The following SEMA6A variants were observed in gnomAD, a reference collection of about 807,000 sequenced individuals.
SEMA6A encodes semaphorin-6A.
In SEMA6A, 25 loss-of-function variants were observed where a neutral mutation model predicts 96.8. The observed-to-expected ratio is 0.26, with a 90% CI of 0.19 to 0.36. SEMA6A has a LOEUF of 0.36. Ranked by LOEUF, SEMA6A falls within the 10% of genes least tolerant of loss-of-function variation. The pLI is 1.00. For missense variants in SEMA6A, 1,363 were observed against 1,323.1 expected, an observed-to-expected ratio of 1.03 and a Z score of -0.47; for synonymous variants, 612 against 518.0, an observed-to-expected ratio of 1.18 and a Z score of -2.46.
chr5:116,453,127 C>T (rs1389767889), intron 18 of SEMA6A, among the ~76,000 whole-genome samples: 1 of 152,138 alleles, frequency 6.6e-6, no homozygotes, highest in Admixed American at 6.5e-5. Flanking sequence ...AAGGGAAGGC[C>T]GTAGTGAGTA....
intron 18 of SEMA6A, among the ~76,000 whole-genome samples, chr5:116,464,561 A>G (rs1295336971): frequency 6.6e-6 from 1 of 152,118 alleles, no homozygotes; most frequent in Non-Finnish European, 1.5e-5. Context: ...TCAGAATGCT[A>G]CTCACGGTGT....
chr5:116,479,580 G>C (rs764203760), intron 12 of SEMA6A, among the ~76,000 whole-genome samples: 1 of 152,164 alleles, frequency 6.6e-6, no homozygotes, highest in East Asian at 1.9e-4. Flanking sequence ...AATAAGCTCT[G>C]AATAAATACA....
intron 1 of SEMA6A, among the ~76,000 whole-genome samples, chr5:116,511,028 G>T (rs572706844): frequency 6.6e-6 from 1 of 152,082 alleles, no homozygotes; most frequent in Non-Finnish European, 1.5e-5. Flanking sequence ...TGCAATTCAG[G>T]GAGGTTAAGT....
At position 116,478,728 on chromosome 5, in the gene SEMA6A, C is replaced by A; in HGVS notation, c.1251-10G>T. 6.2e-7 allele frequency: 1 copy of A among 1,610,522 alleles called. No homozygotes were observed. The highest frequency in any genetic ancestry group is 8.5e-7 in the Non-Finnish European group (1 of 1,178,482). Reference sequence around the variant, plus strand: ...TTTGGTAAGGCGGTATCTAAAATGACAGGACCACATTTCTTATCTCTTTGT... The same window carrying A: ...TTTGGTAAGGCGGTATCTAAAATGAAAGGACCACATTTCTTATCTCTTTGT... On this transcript the variant is annotated splice_polypyrimidine_tract_variant and intron_variant, in intron 12 of 18. Coordinates refer to ENST00000343348, the MANE Select transcript of SEMA6A (RefSeq NM_020796.5).
At chr5:116,457,406 C>G (rs1755082060) in intron 18 of SEMA6A, among the ~76,000 whole-genome samples, 1 of 152,072 alleles carries the variant, frequency 6.6e-6, no homozygotes, top group South Asian at 2.1e-4. Context: ...TACCGAACTT[C>G]CATTATTTCT....
In SEMA6A at chr5:116,469,799, C is replaced by T. The variant is rs533063150; in HGVS notation, c.1730-2052G>A. Among the ~76,000 whole-genome samples, 8 of 152,266 alleles carry T rather than the reference C, an allele frequency of 5.3e-5. No individual in the cohort carries two copies. In the East Asian group the frequency reaches 1.5e-3, roughly 29 times the overall value. ...TTTCCTGGCCCATATGCTGTGAATA[C>T]ATGGAAAACTCATTGGTAATGGAAA... On this transcript the variant is annotated intron_variant, in intron 17 of 18. Transcript: ENST00000343348.
rs35801222 is a variant in SEMA6A at position 116,466,059 on chromosome 5, TAAAAAAAAAAAAA to T, written c.1894+1511_1894+1523del. 4.3e-5 allele frequency among the ~76,000 whole-genome samples: 4 copies of T among 93,634 alleles called. No homozygotes were observed. In the South Asian group the frequency reaches 1.7e-3, roughly 40 times the overall value. The allele number at this position is 93,634 out of a possible 152,430, so 61.4% of individuals were successfully genotyped here. The stretch of plus-strand genomic sequence containing the variant: ...AGAAGGAGATGAGACAAAACCAGCT[TAAAAAAAAAAAAA>T]AAAAAAAAAAAGATTTGGCCGGGAG... On this transcript the variant is annotated intron_variant, in intron 18 of 18. Transcript: ENST00000343348.
chr5:116,537,154 T>G (rs930774421), intron 1 of SEMA6A, among the ~76,000 whole-genome samples: 1 of 152,134 alleles, frequency 6.6e-6, no homozygotes, highest in Non-Finnish European at 1.5e-5. Flanking sequence ...CATGCACACA[T>G]AGAGACCCAC....
intron 1 of SEMA6A, among the ~76,000 whole-genome samples, chr5:116,519,073 G>C (rs2112810440): frequency 6.6e-6 from 1 of 152,128 alleles, no homozygotes; most frequent in East Asian, 1.9e-4. Context: ...TATTTAATCA[G>C]CTCTTTCCAG....
intron 18 of SEMA6A, among the ~76,000 whole-genome samples, chr5:116,457,710 T>C (rs1755103074): frequency 6.6e-6 from 1 of 152,154 alleles, no homozygotes; most frequent in African/African-American, 2.4e-5. Flanking sequence ...TTTTAATATA[T>C]CCACTACATT....
At chr5:116,559,476 C>T (rs1280343092) in intron 1 of SEMA6A, among the ~76,000 whole-genome samples, 1 of 152,152 alleles carries the variant, frequency 6.6e-6, no homozygotes, top group Non-Finnish European at 1.5e-5. Flanking sequence ...ACCCCTGCCC[C>T]ATCCGCACTT....
chr5:116,541,276 A>T (rs932742349), intron 1 of SEMA6A, among the ~76,000 whole-genome samples: 17 of 152,200 alleles, frequency 1.1e-4, no homozygotes, highest in African/African-American at 4.1e-4. Flanking sequence ...ACACATCTTT[A>T]TCTAAACCTA....
rs1754294021 is a variant in SEMA6A, at chr5:116,447,374, C to T, written c.2332G>A (p.Glu778Lys). 1 of 1,614,022 alleles carries T rather than the reference C, an allele frequency of 6.2e-7. No individual in the cohort carries two copies. The highest frequency in any genetic ancestry group is 8.5e-7 in the Non-Finnish European group (1 of 1,179,906). The part of the protein sequence containing the change: ...RKPSRGSREW[E>K]RNQNLINACT... ...GCATTGATGAGGTTCTGGTTCCTCT[C>T]CCACTCGCGGCTGCCGCGGCTGGGC... is the stretch of plus-strand genomic sequence containing the variant. The change falls in exon 19 of 19, where the codon GAG becomes AAG. Residue 778 changes from glutamate (E) to lysine (K), a missense_variant. Transcript: ENST00000343348.
chr5:116,447,350 C>T lies in SEMA6A; in HGVS notation c.2356G>A (p.Ala786Thr). The change falls in exon 19 of 19, where the codon GCC becomes ACC. Residue 786 changes from alanine to threonine, a missense_variant. Physicochemically the swap from Ala to Thr is moderately conservative, Grantham distance 58 (BLOSUM62 0). Around this residue, in one of 2 missense-constraint regions of SEMA6A, gnomAD observed 883 missense variants for 763.6 expected, o/e 1.16. Transcript: ENST00000343348. ...EWERNQNLIN[A>T]CTKDMPPMGS... ...ATGGGGGGCATGTCCTTTGTGCAGG[C>T]ATTGATGAGGTTCTGGTTCCTCTCC... The T allele has an allele frequency of 6.2e-7, 1 of 1,613,940 alleles. No individual in the cohort carries two copies. Among genetic ancestry groups the T allele is most frequent in the South Asian group, 1.1e-5 (1 of 91,088 alleles).
At chr5:116,549,535 A>G (rs1348076606) in intron 1 of SEMA6A, among the ~76,000 whole-genome samples, 2 of 152,184 alleles carry the variant, frequency 1.3e-5, no homozygotes, top group African/African-American at 4.8e-5. Flanking sequence ...TTTTCTTTTC[A>G]TCTCCACCAA....
chr5:116,448,553 CA>C (rs1754420652), intron 18 of SEMA6A, among the ~76,000 whole-genome samples: 1 of 152,024 alleles, frequency 6.6e-6, no homozygotes, highest in African/African-American at 2.4e-5. Context: ...GCATGTTAGA[CA>C]AACAAATCAC....
At chr5:116,573,527 G>A (rs1020290889) in intron 1 of SEMA6A, among the ~76,000 whole-genome samples, 13 of 152,090 alleles carry the variant, frequency 8.5e-5, no homozygotes, top group Non-Finnish European at 1.6e-4. Flanking sequence ...ACAAAGCCCG[G>A]AACCTCTGGT....
intron 12 of SEMA6A, among the ~76,000 whole-genome samples, 176 bp from the exon 13 acceptor site, chr5:116,478,894 G>C (rs1449036998): frequency 6.6e-6 from 1 of 151,720 alleles, no homozygotes; most frequent in Non-Finnish European, 1.5e-5. Flanking sequence ...CAGAGCACTA[G>C]TGTGGCTCCA....
At chr5:116,519,747 A>G (rs1269991539) in intron 1 of SEMA6A, among the ~76,000 whole-genome samples, 1 of 152,152 alleles carries the variant, frequency 6.6e-6, no homozygotes, top group East Asian at 1.9e-4. Flanking sequence ...CTGTGAGTTA[A>G]GAGGACCAAG....
Sources: gnomAD v4.1 joint callset for allele counts (sites outside exome capture counted in the v4.1 genomes callset) on GRCh38, gnomAD v4.1.1 for gene constraint, gnomAD v4.1.1 regional missense constraint, MANE v1.5 for transcripts, NCBI Gene and HGNC (gene_info 2026-07-23, HGNC 2026-07-21) for gene names.